Variants in TP53BP1 observed in about 807,000 individuals in gnomAD.
The protein encoded by TP53BP1 is tumor protein p53 binding protein 1.
TP53BP1 carries 61 observed loss-of-function variants against 200.8 expected under a neutral mutation model. That is an observed-to-expected ratio of 0.30 (90% CI 0.25 to 0.38). The LOEUF is 0.38. Among genes scored for constraint, TP53BP1 ranks in the 10% least tolerant of loss-of-function variants. The pLI is 1.00. For synonymous variants in TP53BP1, 822 were observed against 844.3 expected (o/e 0.97, Z 0.46); for missense variants, 2,144 against 2,371.9 (o/e 0.90, Z 2.00).
chr15:43,404,176 T>C lies in TP53BP1; in HGVS notation c.*3207A>G. ...CCAGTACTTGACAAAATACATTAACTGGAAACCAGCTACTAAATTCCTACT... is the reference window on the plus strand; with the variant it reads ...CCAGTACTTGACAAAATACATTAACCGGAAACCAGCTACTAAATTCCTACT... On this transcript the variant is annotated 3_prime_UTR_variant, in exon 28 of 28. Coordinates refer to ENST00000382044, the MANE Select transcript of TP53BP1 (RefSeq NM_001141980.3). 1.8e-6 allele frequency: 1 copy of C among 551,690 alleles called. No homozygotes were observed. Among genetic ancestry groups the C allele is most frequent in the Non-Finnish European group, 3.2e-6 (1 of 314,102 alleles). The allele number at this position is 551,690 out of a possible 1,614,324, so 34.2% of individuals were successfully genotyped here. A position where few individuals can be genotyped will look rare whatever the true frequency, so the allele number is the denominator to read the frequency against.
intron 1 of TP53BP1, among the ~76,000 whole-genome samples, chr15:43,505,958 A>C (rs1244536449): frequency 6.6e-6 from 1 of 152,220 alleles, no homozygotes; most frequent in African/African-American, 2.4e-5. Flanking sequence ...GCAGGGAAGG[A>C]ATCTGAGCTG....
chr15:43,503,534 C>A (rs1274430550), intron 1 of TP53BP1, among the ~76,000 whole-genome samples: 1 of 152,146 alleles, frequency 6.6e-6, no homozygotes, highest in Non-Finnish European at 1.5e-5. Flanking sequence ...TGGCCAGCGC[C>A]TGTAATTCCA....
chr15:43,470,128 A>T, intron 10 of TP53BP1, 62 bp from the exon 11 acceptor site: 1 of 1,363,942 alleles, frequency 7.3e-7, no homozygotes, highest in Non-Finnish European at 1.0e-6. Flanking sequence ...TCATGTTCCA[A>T]AACCACTAAG....
rs1595503711 is a variant in TP53BP1, at chr15:43,403,469, T to C, written c.*3914A>G. 2.0e-6 allele frequency: 1 copy of C among 498,688 alleles called. No individual in the cohort carries two copies. The highest frequency in any genetic ancestry group is 3.6e-6 in the Non-Finnish European group (1 of 276,342). 30.9% of individuals were successfully genotyped at this position (498,688 alleles called of 1,614,324 possible). A position where few individuals can be genotyped will look rare whatever the true frequency, so the allele number is the denominator to read the frequency against. On this transcript the variant is annotated 3_prime_UTR_variant, in exon 28 of 28. Transcript: ENST00000382044. ...GAGGTTTGGTGCAGGGCTAAGAGAG[T>C]AATACTCGCTTAGCCAGGAAAGGAT...
At chr15:43,469,669 G>T (rs543857924) in intron 11 of TP53BP1, among the ~76,000 whole-genome samples, 189 bp downstream of exon 11, 2 of 152,218 alleles carry the variant, frequency 1.3e-5, no homozygotes, top group South Asian at 2.1e-4. Context: ...AAAAAATCAA[G>T]ATGTTAGGTG....
rs1424738613 is a variant in TP53BP1, at chr15:43,415,279, C to G, written c.5089+315G>C. 1.4e-5 allele frequency: 5 copies of G among 358,778 alleles called. No individual in the cohort carries two copies. The East Asian group carries it at 3.5e-4, about 25-fold the overall frequency. The allele number at this position is 358,778 out of a possible 1,614,324, so 22.2% of individuals were successfully genotyped here. A position where few individuals can be genotyped will look rare whatever the true frequency, so the allele number is the denominator to read the frequency against. ...CTGGAGTGCAATGGTGCAATTTCGG[C>G]TCACTGCAACCTCCGCCTTCCTGGG... On this transcript the variant is annotated intron_variant, in intron 23 of 27. Transcript: ENST00000382044.
intron 14 of TP53BP1, among the ~76,000 whole-genome samples, chr15:43,442,247 G>A (rs1214483063): frequency 1.1e-4 from 17 of 151,648 alleles, no homozygotes; most frequent in African/African-American, 3.6e-4. Context: ...CACCACGCCC[G>A]GCTAATTTTT....
chr15:43,474,703 T>C lies in TP53BP1; in HGVS notation c.1150A>G (p.Ser384Gly). Residue 384 changes from serine (S) to glycine (G), a missense_variant, in exon 10 of 28, where the codon AGC (serine) becomes GGC (glycine). This residue lies in a region of TP53BP1 where 1,700 missense variants were observed against 1,710.3 expected (regional missense o/e 0.99). Transcript: ENST00000382044. ...AFRSTPFIVPSSPTEQEGRQD... is the reference protein window; with the variant it reads ...AFRSTPFIVPGSPTEQEGRQD... ...CTCCCTTCTTGCTCTGTGGGACTGC[T>C]AGGAACGATAAAAGGAGTAGATCGG... The C allele has an allele frequency of 6.2e-7, 1 of 1,613,374 alleles. No homozygotes were observed. Among genetic ancestry groups the C allele is most frequent in the Middle Eastern group, 1.6e-4 (1 of 6,062 alleles).
intron 24 of TP53BP1, among the ~76,000 whole-genome samples, chr15:43,411,200 T>G (rs998517100): frequency 6.6e-6 from 1 of 152,236 alleles, no homozygotes; most frequent in Non-Finnish European, 1.5e-5. Flanking sequence ...GGCAGTGTGT[T>G]TCTCTAATTT....
intron 3 of TP53BP1, 24 bp downstream of exon 3, chr15:43,491,978 G>C (rs536413981): frequency 6.4e-7 from 1 of 1,570,778 alleles, no homozygotes; most frequent in East Asian, 2.2e-5. Flanking sequence ...ATGCAAAGGG[G>C]ACAGATAGCT....
At chr15:43,415,539 G>A (rs2045244702) in intron 23 of TP53BP1, 55 bp downstream of exon 23, 8 of 1,579,438 alleles carry the variant, frequency 5.1e-6, no homozygotes, top group Non-Finnish European at 7.0e-6. Context: ...TCCAGCAGCT[G>A]ACCCTGCATT....
At position 43,408,022 on chromosome 15, in the gene TP53BP1, G is replaced by A. The variant is rs760986233; in HGVS notation, c.5667C>T (p.Phe1889=). The A allele has an allele frequency of 4.5e-5, 72 of 1,613,984 alleles. 2 individuals are homozygous for A. The Admixed American group carries it at 8.7e-4, about 19-fold the overall frequency. The change falls in exon 27 of 28, where the codon TTC becomes TTT. Residue 1889 remains phenylalanine (F), a synonymous_variant. Transcript: ENST00000382044. ...TGAGGATCTCAGACCAGAGCTCCAGGAAGTTCTGCTGTTGGTCTGATACCA... is the reference window on the plus strand; with the variant it reads ...TGAGGATCTCAGACCAGAGCTCCAGAAAGTTCTGCTGTTGGTCTGATACCA... ...VLLVSDQQQN[F]LELWSEILMT...
chr15:43,418,029 G>T (rs1402883802), intron 21 of TP53BP1, among the ~76,000 whole-genome samples: 1 of 151,602 alleles, frequency 6.6e-6, no homozygotes. Context: ...AAAATACAAA[G>T]ATTAACCAGG....
At chr15:43,506,943 G>A (rs901245005) in intron 1 of TP53BP1, among the ~76,000 whole-genome samples, 4 of 152,088 alleles carry the variant, frequency 2.6e-5, no homozygotes, top group Non-Finnish European at 5.9e-5. Flanking sequence ...CCAATAGGTC[G>A]CAGGCCAAGT....
chr15:43,444,060 G>A (rs2045988387), intron 14 of TP53BP1, among the ~76,000 whole-genome samples: 1 of 152,026 alleles, frequency 6.6e-6, no homozygotes, highest in African/African-American at 2.4e-5. Flanking sequence ...TCCTCTATAA[G>A]ATAAAAACAC....
At chr15:43,440,579 C>T (rs1010314133) in intron 15 of TP53BP1, among the ~76,000 whole-genome samples, 3 of 151,796 alleles carry the variant, frequency 2.0e-5, no homozygotes, top group South Asian at 2.1e-4. Flanking sequence ...TAACAGTACC[C>T]GCCTAGCCTC....
chr15:43,475,439 C>A (rs2078866021), intron 9 of TP53BP1, 126 bp downstream of exon 9: 1 of 1,108,088 alleles, frequency 9.0e-7, no homozygotes, highest in Non-Finnish European at 1.3e-6. Context: ...AGCTCTAATG[C>A]ATAGGTTCTA....
intron 13 of TP53BP1, 56 bp downstream of exon 13, chr15:43,447,310 A>T (rs535631254): frequency 6.5e-7 from 1 of 1,548,536 alleles, no homozygotes; most frequent in East Asian, 2.3e-5. Flanking sequence ...TCACTTGTGT[A>T]GAGAATGATA....
rs547660131 is a variant in TP53BP1, at chr15:43,462,953, G to A, written c.1390-5735C>T. 6.6e-4 allele frequency among the ~76,000 whole-genome samples: 101 copies of A among 152,194 alleles called. 2 individuals are homozygous for A. The South Asian group carries it at 0.021, about 31-fold the overall frequency. ...GCACTTTTTGTCCCAGTTACTTGGG[G>A]TGCTGAGGCAGGAGAATCACTTGAA... On this transcript the variant is annotated intron_variant, in intron 11 of 27. Coordinates refer to ENST00000382044, the MANE Select transcript of TP53BP1 (RefSeq NM_001141980.3).
Sources: allele counts gnomAD v4.1 joint callset (sites outside exome capture counted in the v4.1 genomes callset), GRCh38; gene constraint gnomAD v4.1.1; regional missense constraint gnomAD v4.1.1; transcripts MANE v1.5; gene names NCBI Gene and HGNC (gene_info 2026-07-23, HGNC 2026-07-21).